Variants in TSPAN11 observed in about 807,000 individuals in gnomAD.
TSPAN11 encodes tetraspanin-11.
TSPAN11 carries 29 observed loss-of-function variants against 32.9 expected under a neutral mutation model. The observed-to-expected ratio is 0.88, with a 90% CI of 0.66 to 1.20. The LOEUF (loss-of-function observed/expected upper bound fraction) is 1.20. Ranked by LOEUF, TSPAN11 falls within the 50% of genes most tolerant of loss-of-function variation. The probability of loss-of-function intolerance (pLI) is 0.00; values close to 1 mark genes in which losing one functional copy is unlikely to be tolerated. For synonymous variants in TSPAN11, 140 were observed against 141.3 expected, an observed-to-expected ratio of 0.99 and a Z score of 0.07; for missense variants, 283 against 329.1, an observed-to-expected ratio of 0.86 and a Z score of 1.08.
intron 2 of TSPAN11, among the ~76,000 whole-genome samples, chr12:30,956,994 G>GA (rs1462642698): frequency 6.6e-6 from 1 of 152,254 alleles, no homozygotes. Flanking sequence ...AGGTGGCAGA[G>GA]AAGATGGAGG....
chr12:30,931,483 G>A (rs1937925087), intron 1 of TSPAN11, among the ~76,000 whole-genome samples: 1 of 115,490 alleles, frequency 8.7e-6, no homozygotes, highest in African/African-American at 3.7e-5. Context: ...TTCTATGAGC[G>A]TTCTTGAAAT....
chr12:30,982,252 C>A (rs956987332), intron 5 of TSPAN11, among the ~76,000 whole-genome samples: 3 of 152,176 alleles, frequency 2.0e-5, no homozygotes, highest in Non-Finnish European at 4.4e-5. Context: ...CCGTCCTGCC[C>A]CCAAGACACC....
At chr12:30,990,938 T>C (rs1197403925) in intron 7 of TSPAN11, among the ~76,000 whole-genome samples, 4 of 152,040 alleles carry the variant, frequency 2.6e-5, no homozygotes, top group Non-Finnish European at 4.4e-5. Context: ...ATCAGGATCA[T>C]AATCACATTA....
chr12:30,999,365 AAAG>A (rs1939456310), downstream of TSPAN11: 1 of 152,172 alleles, frequency 6.6e-6, no homozygotes, highest in Non-Finnish European at 1.5e-5. Flanking sequence ...AGAGGAAAGA[AAAG>A]AAATAAAAGA....
intron 1 of TSPAN11, among the ~76,000 whole-genome samples, chr12:30,942,816 G>C (rs916775733): frequency 3.3e-5 from 5 of 152,124 alleles, no homozygotes; most frequent in African/African-American, 9.7e-5. Flanking sequence ...TTAGTGCTAG[G>C]GTTTTAATTC....
intron 3 of TSPAN11, among the ~76,000 whole-genome samples, chr12:30,972,612 T>C (rs1293695342): frequency 6.6e-6 from 1 of 152,068 alleles, no homozygotes; most frequent in African/African-American, 2.4e-5. Flanking sequence ...CTCAGGCTTG[T>C]ACAACAGTGC....
chr12:30,977,124 CCA>C (rs1206479702), intron 3 of TSPAN11, among the ~76,000 whole-genome samples: 38 of 152,182 alleles, frequency 2.5e-4, no homozygotes, highest in Admixed American at 2.5e-3. Flanking sequence ...TGCTCTTGGA[CCA>C]CAGTTCTTTT....
intron 2 of TSPAN11, among the ~76,000 whole-genome samples, chr12:30,956,828 C>T (rs984400008): frequency 1.3e-5 from 2 of 152,186 alleles, no homozygotes; most frequent in Non-Finnish European, 2.9e-5. Flanking sequence ...CGTTTCTAGC[C>T]CCCCAGGCAC....
chr12:30,936,557 G>A (rs1479560407), intron 1 of TSPAN11, among the ~76,000 whole-genome samples: 2 of 152,208 alleles, frequency 1.3e-5, no homozygotes. Flanking sequence ...GTGGAATGGT[G>A]GGTTCGCAAG....
chr12:31,005,793 T>C, the TSPAN11 span: 1 of 191,328 alleles, frequency 5.2e-6, no homozygotes, highest in East Asian at 1.3e-4. Context: ...GTCCTACTTC[T>C]TACCAGTCCA....
Position 30,975,258 on chromosome 12 carries a change from G to T in TSPAN11, c.277-3303G>T, listed in dbSNP as rs1038850415. On this transcript the variant is annotated intron_variant, in intron 3 of 7. Transcript: ENST00000546076. This position sits in a 1 kb window ranked among gnomAD's most constrained non-coding sequence, Gnocchi z 4.5. ...TCAGAGCCCATGACCTCACCCGGCT[G>T]AAGTCCCAGCATCTTGATGAGGGAC... is the stretch of plus-strand genomic sequence containing the variant. Among the ~76,000 whole-genome samples, 5 of 152,120 alleles carry T rather than the reference G, an allele frequency of 3.3e-5. No homozygotes were observed. The highest frequency in any genetic ancestry group is 1.2e-4 in the African/African-American group (5 of 41,420).
intron 1 of TSPAN11, among the ~76,000 whole-genome samples, chr12:30,951,001 G>C (rs577893743): frequency 6.6e-6 from 1 of 152,270 alleles, no homozygotes; most frequent in African/African-American, 2.4e-5. Flanking sequence ...TATTAAGTGA[G>C]GGATAAATAA....
intron 7 of TSPAN11, among the ~76,000 whole-genome samples, chr12:30,990,346 A>C (rs1445435255): frequency 6.6e-6 from 1 of 152,108 alleles, no homozygotes; most frequent in Non-Finnish European, 1.5e-5. Flanking sequence ...CATGGTTTCC[A>C]GCACAAACCT....
chr12:30,964,061 C>A, intron 3 of TSPAN11, 44 bp downstream of exon 3: 1 of 1,577,406 alleles, frequency 6.3e-7, no homozygotes, highest in Non-Finnish European at 8.6e-7. Context: ...GAGCCCTGCA[C>A]CACCCAGTCA....
chr12:30,927,741 A>G (rs903905415), intron 1 of TSPAN11, among the ~76,000 whole-genome samples: 1 of 152,204 alleles, frequency 6.6e-6, no homozygotes, highest in African/African-American at 2.4e-5. Context: ...GCTGGATTGC[A>G]GTGGAAAGCA....
At chr12:31,012,278 G>A in the TSPAN11 span, among the ~76,000 whole-genome samples, 295 of 152,326 alleles carry the variant, frequency 1.9e-3, 6 homozygotes, top group Admixed American at 5.2e-4. Context: ...GGAGGCTGGC[G>A]CCAGAGCAGC....
intron 3 of TSPAN11, among the ~76,000 whole-genome samples, chr12:30,964,466 T>C (rs1938687279): frequency 7.0e-6 from 1 of 142,764 alleles, no homozygotes; most frequent in Admixed American, 7.0e-5. Flanking sequence ...TTCTAGGTTT[T>C]TTTATGGCAA....
chr12:30,964,089 A>G lies in TSPAN11; in HGVS notation c.276+72A>G, dbSNP rs1938677457. The stretch of plus-strand genomic sequence containing the variant: ...CCCAGTCAGGTTTCCAGCAAGTGAG[A>G]GGGGCCCCAGCCCTGGAGTGGGAGG... On this transcript the variant is annotated intron_variant, in intron 3 of 7. Coordinates refer to ENST00000546076, the MANE Select transcript of TSPAN11 (RefSeq NM_001370302.1). 22 of 1,545,908 alleles carry G rather than the reference A, an allele frequency of 1.4e-5. No homozygotes were observed. In the South Asian group the frequency reaches 2.2e-4, roughly 16 times the overall value.
At chr12:31,016,094 T>A in the TSPAN11 span, among the ~76,000 whole-genome samples, 1 of 152,168 alleles carries the variant, frequency 6.6e-6, no homozygotes, top group Non-Finnish European at 1.5e-5. Flanking sequence ...CTGGGCAACA[T>A]AACGAGACCA....
Sources: allele counts gnomAD v4.1 joint callset (sites outside exome capture counted in the v4.1 genomes callset), GRCh38; gene constraint gnomAD v4.1.1; non-coding constraint Gnocchi (gnomAD v3.1); transcripts MANE v1.5; gene names NCBI Gene and HGNC (gene_info 2026-07-23, HGNC 2026-07-21).